The following CFAP47 variants were observed in gnomAD, a reference collection of about 807,000 sequenced individuals.
The protein encoded by CFAP47 is cilia- and flagella-associated protein 47.
Under a neutral mutation model 148.1 loss-of-function variants are expected in CFAP47, and 29 were observed. The observed-to-expected ratio is 0.20, with a 90% CI of 0.15 to 0.27. The LOEUF (loss-of-function observed/expected upper bound fraction) is 0.27. CFAP47 is among the 10% of genes least tolerant of loss of function. CFAP47 has a pLI of 1.00. For missense variants in CFAP47, 1,872 were observed against 1,697.5 expected, an observed-to-expected ratio of 1.10 and a Z score of -1.81; for synonymous variants, 664 against 577.3, an observed-to-expected ratio of 1.15 and a Z score of -2.15.
At chrX:36,070,407 C>T (rs892943618) in intron 27 of CFAP47, among the ~76,000 whole-genome samples, 4 of 110,152 alleles carry the variant, frequency 3.6e-5, no homozygotes, top group Non-Finnish European at 7.6e-5. Context: ...GACTTGACAC[C>T]AGGGTGGGGC....
intron 26 of CFAP47, among the ~76,000 whole-genome samples, chrX:36,056,745 A>T (rs763511881): frequency 2.9e-4 from 33 of 112,568 alleles, no homozygotes; most frequent in African/African-American, 1.1e-3. Context: ...CAGTTCCTAC[A>T]GGATCTTTCT....
intron 26 of CFAP47, among the ~76,000 whole-genome samples, chrX:36,061,890 C>T (rs1373331731): frequency 8.9e-6 from 1 of 112,116 alleles, no homozygotes; most frequent in Non-Finnish European, 1.9e-5. Context: ...ATCTTTTCCT[C>T]TCCTTCACCT....
chrX:36,373,587 C>T (rs1231626812), intron 62 of CFAP47, among the ~76,000 whole-genome samples: 1 of 111,312 alleles, frequency 9.0e-6, no homozygotes, highest in Non-Finnish European at 1.9e-5. Flanking sequence ...TGCTTGATTG[C>T]TCTTGCTGAT....
intron 15 of CFAP47, among the ~76,000 whole-genome samples, chrX:35,981,769 T>C (rs1235745140): frequency 1.8e-5 from 2 of 111,701 alleles, no homozygotes; most frequent in Non-Finnish European, 3.8e-5. Flanking sequence ...AATGAGAACA[T>C]GTAGTATTGA....
Position 36,353,649 on chromosome X carries a change from G to A in CFAP47, c.8819G>A (p.Arg2940Lys), listed in dbSNP as rs1313247976. Reference protein sequence around the residue: ...DLTEVLVIPKRNSHNFCEDPN... With the variant: ...DLTEVLVIPKKNSHNFCEDPN... ...ACAGAAGTTTTAGTGATTCCAAAAA[G>A]AAATTCACATAATTTTTGTGAGGAT... Residue 2940 changes from arginine (R) to lysine (K), a missense_variant, in exon 60 of 64, where the codon AGA becomes AAA. Arg to Lys is a conservative substitution (Grantham distance 26). Transcript: ENST00000378653. 1.7e-6 allele frequency: 2 copies of A among 1,161,507 alleles called. No individual in the cohort carries two copies. Among genetic ancestry groups the A allele is most frequent in the South Asian group, 1.9e-5 (1 of 52,155 alleles).
At chrX:35,972,633 C>G (rs746150075) in intron 13 of CFAP47, among the ~76,000 whole-genome samples, 17 of 111,977 alleles carry the variant, frequency 1.5e-4, no homozygotes, top group African/African-American at 5.2e-4. Flanking sequence ...TCTAGCCTTT[C>G]ATATATTGTT....
At position 36,222,903 on chromosome X, in the gene CFAP47, T is replaced by C. The variant is rs142022804; in HGVS notation, c.6818-5725T>C. ...GCTCAAATCTCATTTCAAATTGTAA[T>C]CACCATGTTGGAAGTGGGAACTAGT... On this transcript the variant is annotated intron_variant, in intron 45 of 63. Coordinates refer to ENST00000378653, the MANE Select transcript of CFAP47 (RefSeq NM_001304548.2). Among the ~76,000 whole-genome samples, 378 of 111,493 alleles carry C rather than the reference T, an allele frequency of 3.4e-3. 3 individuals carry two copies. Among genetic ancestry groups the C allele is most frequent in the Middle Eastern group, 0.014 (3 of 217 alleles).
chrX:36,147,431 T>C (rs1001997722), intron 36 of CFAP47, among the ~76,000 whole-genome samples: 5 of 112,272 alleles, frequency 4.5e-5, no homozygotes, highest in African/African-American at 1.3e-4. Context: ...TTCCTTATGA[T>C]CTAAACAGTT....
At chrX:35,954,900 G>C (rs757671137) in intron 7 of CFAP47, among the ~76,000 whole-genome samples, 5 of 111,897 alleles carry the variant, frequency 4.5e-5, no homozygotes, top group Non-Finnish European at 9.4e-5. Context: ...GCTTACATTG[G>C]GTCTGCACAT....
chrX:35,965,358 T>C lies in CFAP47; in HGVS notation c.1411-1207T>C, dbSNP rs777218112. 4.2e-3 allele frequency among the ~76,000 whole-genome samples: 463 copies of C among 111,442 alleles called. 1 individual carries two copies. Among genetic ancestry groups the C allele is most frequent in the African/African-American group, 0.013 (415 of 30,819 alleles). Reference sequence around the variant, plus strand: ...AATATTCTGTCAAGTAGTTTACAACTCTTTCTAGACTTTAATTCTTCCTTG... The same window carrying C: ...AATATTCTGTCAAGTAGTTTACAACCCTTTCTAGACTTTAATTCTTCCTTG... On this transcript the variant is annotated intron_variant, in intron 8 of 63. Transcript: ENST00000378653.
intron 33 of CFAP47, among the ~76,000 whole-genome samples, chrX:36,122,722 C>A (rs1469573458): frequency 1.8e-5 from 2 of 111,589 alleles, no homozygotes; most frequent in Non-Finnish European, 3.8e-5. Flanking sequence ...TCTTGAATTT[C>A]TTTGAGTTTT....
chrX:36,278,996 C>A (rs1039234349), intron 49 of CFAP47, among the ~76,000 whole-genome samples: 2 of 111,392 alleles, frequency 1.8e-5, no homozygotes, highest in African/African-American at 6.5e-5. Context: ...ATCTGTATTG[C>A]CTGTCAACAC....
chrX:36,108,613 A>C (rs948182706), intron 33 of CFAP47, among the ~76,000 whole-genome samples: 1 of 111,601 alleles, frequency 9.0e-6, no homozygotes, highest in Non-Finnish European at 1.9e-5. Flanking sequence ...TCTGTTGCTC[A>C]CACAGCCATA....
intron 54 of CFAP47, 88 bp from the exon 55 acceptor site, chrX:36,306,684 C>A: frequency 2.2e-6 from 1 of 464,135 alleles, no homozygotes; most frequent in Non-Finnish European, 3.8e-6. Flanking sequence ...CAAACATCGA[C>A]CCTGCATATA....
intron 57 of CFAP47, among the ~76,000 whole-genome samples, chrX:36,338,166 C>T (rs1556015206): frequency 9.4e-6 from 1 of 106,306 alleles, no homozygotes; most frequent in African/African-American, 3.5e-5. Context: ...GGATTACAGG[C>T]GTGAGCCACC....
chrX:36,275,061 G>T lies in CFAP47; in HGVS notation c.7445-5426G>T, dbSNP rs1228616780. ...TAATCATAAAAGGGTGTTGAATTCT[G>T]TCAAGTGCTTTCTTTTTTCTTTTCT... is the stretch of plus-strand genomic sequence containing the variant. On this transcript the variant is annotated intron_variant, in intron 49 of 63. Coordinates refer to ENST00000378653, the MANE Select transcript of CFAP47 (RefSeq NM_001304548.2). Among the ~76,000 whole-genome samples, 4 of 111,219 alleles carry T rather than the reference G, an allele frequency of 3.6e-5. No homozygotes were observed. The East Asian group carries it at 1.1e-3, about 32-fold the overall frequency.
At position 36,071,988 on chromosome X, in the gene CFAP47, T is replaced by G; in HGVS notation, c.4465+17T>G. On this transcript the variant is annotated intron_variant, in intron 28 of 63. Coordinates refer to ENST00000378653, the MANE Select transcript of CFAP47 (RefSeq NM_001304548.2). ...TATTTATTGGTATGTAGCAAATATA[T>G]AGTGTACTTTCCAAAATTAGTCCAT... The G allele has an allele frequency of 8.7e-7, 1 of 1,155,015 alleles. No homozygotes were observed. The highest frequency in any genetic ancestry group is 1.2e-6 in the Non-Finnish European group (1 of 860,764).
intron 35 of CFAP47, among the ~76,000 whole-genome samples, chrX:36,139,215 G>C (rs895180797): frequency 1.8e-5 from 2 of 111,903 alleles, no homozygotes; most frequent in African/African-American, 6.5e-5. Flanking sequence ...CAGTGTGGAA[G>C]AGACAGAATT....
At chrX:36,001,756 G>A (rs1040726230) in intron 21 of CFAP47, 49 bp downstream of exon 21, 4 of 279,070 alleles carry the variant, frequency 1.4e-5, no homozygotes, top group Admixed American at 6.4e-5. Context: ...TGGGTATTCC[G>A]AACCAAAAAC....
Sources: allele counts gnomAD v4.1 joint callset (sites outside exome capture counted in the v4.1 genomes callset), GRCh38; gene constraint gnomAD v4.1.1; transcripts MANE v1.5; gene names NCBI Gene and HGNC (gene_info 2026-07-23, HGNC 2026-07-21).